CNTN3: variants seen among roughly 807,000 people sequenced by gnomAD.
CNTN3 encodes contactin-3.
Under a neutral mutation model 119.1 loss-of-function variants are expected in CNTN3, and 60 were observed. The ratio of observed to expected loss-of-function variants is 0.50; its 90% confidence interval spans 0.41 to 0.62. The LOEUF (loss-of-function observed/expected upper bound fraction) is 0.62. Ranked by LOEUF, CNTN3 falls within the 20% of genes least tolerant of loss-of-function variation. The pLI, the probability that CNTN3 is intolerant of heterozygous loss-of-function variation, is 0.00. For missense variants in CNTN3, 1,101 were observed against 1,242.4 expected (o/e 0.89, Z 1.71); for synonymous variants, 450 against 438.7 (o/e 1.03, Z -0.32).
chr3:74,309,418 C>T (rs1702632756), intron 13 of CNTN3, among the ~76,000 whole-genome samples: 1 of 152,106 alleles, frequency 6.6e-6, no homozygotes, highest in Non-Finnish European at 1.5e-5. Flanking sequence ...ATGACTCTCT[C>T]ATTCTATATT....
chr3:74,266,656 T>C lies in CNTN3; in HGVS notation c.2818-7A>G, dbSNP rs904103803. 1 of 1,612,362 alleles carries C rather than the reference T, an allele frequency of 6.2e-7. No homozygotes were observed. Among genetic ancestry groups the C allele is most frequent in the Non-Finnish European group, 8.5e-7 (1 of 1,178,838 alleles). ...TGCTAGTCCTATAGAAAACCTAAAA[T>C]GCATGAACAAATACACTTACTTGTT... is the stretch of plus-strand genomic sequence containing the variant. On this transcript the variant is annotated splice_region_variant and splice_polypyrimidine_tract_variant and intron_variant, in intron 21 of 22. Coordinates refer to ENST00000263665, the MANE Select transcript of CNTN3 (RefSeq NM_020872.3).
rs541353720 is a variant in CNTN3, at chr3:74,351,272, C to A, written c.1364+10618G>T. Among the ~76,000 whole-genome samples, 4 of 152,162 alleles carry A rather than the reference C, an allele frequency of 2.6e-5. No homozygotes were observed. The South Asian group carries it at 6.2e-4, about 24-fold the overall frequency. ...ACAGAATGTGAGAGAAACGGGGCAG[C>A]GACAAAGTTGGAAATAATTTGTCCA... On this transcript the variant is annotated intron_variant, in intron 11 of 22. Coordinates refer to ENST00000263665, the MANE Select transcript of CNTN3 (RefSeq NM_020872.3).
chr3:74,295,396 G>A lies in CNTN3; in HGVS notation c.2402-160C>T, dbSNP rs148426494. On this transcript the variant is annotated intron_variant, in intron 18 of 22. Coordinates refer to ENST00000263665, the MANE Select transcript of CNTN3 (RefSeq NM_020872.3). ...AAAATAGAGACACTGGTCCATTTCC[G>A]TTTCTTAGGAAAAGATGGCATCATA... 1.7e-4 allele frequency among the ~76,000 whole-genome samples: 26 copies of A among 152,248 alleles called. No individual in the cohort carries two copies. The East Asian group carries it at 4.4e-3, about 26-fold the overall frequency.
At chr3:74,312,317 G>A (rs548011725) in intron 13 of CNTN3, among the ~76,000 whole-genome samples, 10 of 151,888 alleles carry the variant, frequency 6.6e-5, no homozygotes, top group Admixed American at 4.6e-4. Flanking sequence ...CTAGCCAGGC[G>A]TGGTGGCGGG....
chr3:74,334,280 G>A (rs946815911), intron 13 of CNTN3, among the ~76,000 whole-genome samples: 3 of 152,100 alleles, frequency 2.0e-5, no homozygotes, highest in Non-Finnish European at 2.9e-5. Context: ...ACAATGAAGC[G>A]TCTTACTGCT....
intron 13 of CNTN3, among the ~76,000 whole-genome samples, chr3:74,326,109 T>C (rs1703123502): frequency 6.6e-6 from 1 of 152,262 alleles, no homozygotes; most frequent in Admixed American, 6.5e-5. Flanking sequence ...ATATTGACTA[T>C]TTCATGTTTC....
At chr3:74,368,054 T>C (rs1038739818) in intron 8 of CNTN3, among the ~76,000 whole-genome samples, 4 of 152,068 alleles carry the variant, frequency 2.6e-5, no homozygotes, top group Admixed American at 2.0e-4. Context: ...GTAAGTTCTG[T>C]GCTATATACA....
At chr3:74,302,836 T>C (rs1702486428) in intron 13 of CNTN3, 29 bp from the exon 14 acceptor site, 1 of 1,393,012 alleles carries the variant, frequency 7.2e-7, no homozygotes, top group Non-Finnish European at 1.0e-6. Flanking sequence ...ATGAATACAC[T>C]GTTATTTTTT....
intron 4 of CNTN3, among the ~76,000 whole-genome samples, chr3:74,473,778 G>A (rs767819823): frequency 6.6e-6 from 1 of 152,172 alleles, no homozygotes; most frequent in Admixed American, 6.5e-5. Context: ...TGATGATGGA[G>A]CAAACTGTAC....
intron 2 of CNTN3, among the ~76,000 whole-genome samples, chr3:74,508,429 CT>C (rs1559638581): frequency 6.6e-6 from 1 of 152,076 alleles, no homozygotes; most frequent in Non-Finnish European, 1.5e-5. Flanking sequence ...GCATCTGGAA[CT>C]ATGGGGTGCG....
chr3:74,440,852 T>A (rs1365343209), intron 4 of CNTN3, among the ~76,000 whole-genome samples: 1 of 152,194 alleles, frequency 6.6e-6, no homozygotes, highest in East Asian at 1.9e-4. Flanking sequence ...ATTTATTAGA[T>A]ATTATAAGTA....
At chr3:74,327,661 A>G (rs915538214) in intron 13 of CNTN3, among the ~76,000 whole-genome samples, 1 of 152,190 alleles carries the variant, frequency 6.6e-6, no homozygotes, top group Non-Finnish European at 1.5e-5. Flanking sequence ...TTTGAGAAAC[A>G]AAAATTACCA....
intron 20 of CNTN3, among the ~76,000 whole-genome samples, chr3:74,273,510 G>A (rs1701821722): frequency 6.6e-6 from 1 of 152,202 alleles, no homozygotes; most frequent in Non-Finnish European, 1.5e-5. Context: ...GTGGGAAAGG[G>A]AGGTCCTCCA....
At chr3:74,397,471 A>G (rs1305213226) in intron 5 of CNTN3, among the ~76,000 whole-genome samples, 1 of 150,564 alleles carries the variant, frequency 6.6e-6, no homozygotes, top group Non-Finnish European at 1.5e-5. Flanking sequence ...TTGATCAATA[A>G]ATGTTCTATG....
chr3:74,345,804 T>C (rs1241796087), intron 11 of CNTN3, among the ~76,000 whole-genome samples: 1 of 152,256 alleles, frequency 6.6e-6, no homozygotes, highest in African/African-American at 2.4e-5. Flanking sequence ...TATTTTTCTC[T>C]GTTCATTTGT....
intron 13 of CNTN3, among the ~76,000 whole-genome samples, chr3:74,331,279 G>A (rs1703258530): frequency 6.6e-6 from 1 of 152,086 alleles, no homozygotes; most frequent in South Asian, 2.1e-4. Context: ...ACAAATACTT[G>A]CCATTCTGTT....
intron 18 of CNTN3, among the ~76,000 whole-genome samples, chr3:74,295,656 T>C (rs1166415182): frequency 1.3e-5 from 2 of 152,162 alleles, no homozygotes; most frequent in Admixed American, 1.3e-4. Flanking sequence ...ATTTACACAA[T>C]AAACACTGAG....
intron 11 of CNTN3, among the ~76,000 whole-genome samples, chr3:74,347,969 T>C (rs1376385621): frequency 2.0e-5 from 3 of 152,194 alleles, no homozygotes; most frequent in African/African-American, 7.2e-5. Flanking sequence ...TGATCTCACT[T>C]ATATGTGGAA....
chr3:74,295,462 A>G (rs963467068), intron 18 of CNTN3, among the ~76,000 whole-genome samples: 1 of 152,092 alleles, frequency 6.6e-6, no homozygotes. Flanking sequence ...GGCAACCTAT[A>G]CTTTCCTCCC....
Sources: allele counts gnomAD v4.1 joint callset (sites outside exome capture counted in the v4.1 genomes callset), GRCh38; gene constraint gnomAD v4.1.1; transcripts MANE v1.5; gene names NCBI Gene and HGNC (gene_info 2026-07-23, HGNC 2026-07-21).